Variants in ADD2 observed in about 807,000 individuals in gnomAD.
ADD2 encodes beta-adducin.
In ADD2, 23 loss-of-function variants were observed where a neutral mutation model predicts 83.0. The observed-to-expected ratio is 0.28, with a 90% CI of 0.20 to 0.39. The LOEUF is 0.39. Ranked by LOEUF, ADD2 falls within the 10% of genes least tolerant of loss-of-function variation. The probability of loss-of-function intolerance (pLI) is 1.00; values close to 1 mark genes in which losing one functional copy is unlikely to be tolerated. For synonymous variants in ADD2, 375 were observed against 375.4 expected (o/e 1.00, Z 0.01); for missense variants, 758 against 944.9 (o/e 0.80, Z 2.59).
intron 1 of ADD2, among the ~76,000 whole-genome samples, chr2:70,752,287 AGTTAT>A (rs1459020275): frequency 1.3e-5 from 2 of 152,204 alleles, no homozygotes; most frequent in African/African-American, 4.8e-5. Context: ...AGGGTTACCT[AGTTAT>A]AAGTTATAAA....
chr2:70,691,751 ACAAC>A (rs1278258672), intron 7 of ADD2: 3 of 152,220 alleles, frequency 2.0e-5, no homozygotes, highest in African/African-American at 7.2e-5. Flanking sequence ...CTGAATGCTC[ACAAC>A]CAGTGTGTTT....
At chr2:70,690,959 T>C in intron 7 of ADD2, 30 bp from the exon 8 acceptor site, 1 of 1,594,932 alleles carries the variant, frequency 6.3e-7, no homozygotes, top group Non-Finnish European at 8.5e-7. Flanking sequence ...GGTTAGCACC[T>C]GCAGCCCTCC....
At chr2:70,695,413 G>GC (rs1442428560) in intron 6 of ADD2, among the ~76,000 whole-genome samples, 1 of 151,602 alleles carries the variant, frequency 6.6e-6, no homozygotes, top group Admixed American at 6.6e-5. Context: ...AACCAGAAAG[G>GC]CCCCCCATTC....
At chr2:70,664,720 A>AGT (rs1179233010) in intron 15 of ADD2, among the ~76,000 whole-genome samples, 29 of 150,414 alleles carry the variant, frequency 1.9e-4, no homozygotes, top group Admixed American at 1.9e-3. Context: ...AGTGTGTACA[A>AGT]GTGTGTGTGA....
intron 13 of ADD2, chr2:70,675,085 C>G (rs1670065870): frequency 3.3e-6 from 4 of 1,213,596 alleles, no homozygotes; most frequent in African/African-American, 1.5e-5. Flanking sequence ...AAAGGATGCT[C>G]CCGAGCAGAA....
At chr2:70,726,092 C>T (rs2104452286) in intron 1 of ADD2, among the ~76,000 whole-genome samples, 1 of 138,808 alleles carries the variant, frequency 7.2e-6, no homozygotes, top group Admixed American at 8.3e-5. Flanking sequence ...GAGGCTGAGG[C>T]AGGAGAATGG....
chr2:70,718,590 A>C (rs1553376818), intron 1 of ADD2, among the ~76,000 whole-genome samples: 3 of 152,202 alleles, frequency 2.0e-5, no homozygotes, highest in Admixed American at 6.5e-5. Context: ...CAAGGTCCTG[A>C]GTTAGATCCT....
intron 1 of ADD2, chr2:70,767,491 G>T: frequency 2.5e-6 from 1 of 398,642 alleles, no homozygotes; most frequent in Non-Finnish European, 3.5e-6. Flanking sequence ...GGCGGCGGCC[G>T]AGCGGGAAGG....
At chr2:70,692,609 C>T in intron 6 of ADD2, 57 bp from the exon 7 acceptor site, 1 of 1,506,832 alleles carries the variant, frequency 6.6e-7, no homozygotes, top group Non-Finnish European at 8.9e-7. Flanking sequence ...CCCCGCACTC[C>T]TCTCCCAGCT....
intron 1 of ADD2, among the ~76,000 whole-genome samples, chr2:70,752,280 G>T (rs1405830765): frequency 1.3e-5 from 2 of 152,070 alleles, no homozygotes; most frequent in African/African-American, 4.8e-5. Context: ...TCTATGTAGG[G>T]TTACCTAGTT....
In ADD2 at chr2:70,768,163, T is replaced by C; in HGVS notation, c.-431A>G. Reference sequence around the variant, plus strand: ...GTCCCTCACAGCCCTGCCGTCAGAATTAAAGCCATTTCCCGCACGAGGCTG... The same window carrying C: ...GTCCCTCACAGCCCTGCCGTCAGAACTAAAGCCATTTCCCGCACGAGGCTG... On this transcript the variant is annotated 5_prime_UTR_variant, in exon 1 of 16. Coordinates refer to ENST00000264436, the MANE Select transcript of ADD2 (RefSeq NM_001617.4). The C allele has an allele frequency of 1.7e-6, 1 of 599,982 alleles. No individual in the cohort carries two copies. Among genetic ancestry groups the C allele is most frequent in the South Asian group, 2.0e-5 (1 of 49,396 alleles). 37.2% of individuals were successfully genotyped at this position (599,982 alleles called of 1,614,324 possible).
chr2:70,735,071 C>T (rs191432105), intron 1 of ADD2, among the ~76,000 whole-genome samples: 4 of 152,258 alleles, frequency 2.6e-5, no homozygotes, highest in Non-Finnish European at 5.9e-5. Flanking sequence ...AAATTTCAAA[C>T]AGTATTAGTT....
At chr2:70,677,709 A>T (rs375540457) in intron 12 of ADD2, 49 bp downstream of exon 12, 1 of 1,598,340 alleles carries the variant, frequency 6.3e-7, no homozygotes, top group Admixed American at 1.7e-5. Context: ...GGGACCTGAG[A>T]CCCCCCAGTG....
chr2:70,682,409 T>C (rs1553369725), intron 10 of ADD2, among the ~76,000 whole-genome samples: 3 of 152,192 alleles, frequency 2.0e-5, no homozygotes, highest in African/African-American at 7.2e-5. Flanking sequence ...TCACTGTGGA[T>C]TGTACCTTTC....
chr2:70,725,424 G>A (rs138759444), intron 1 of ADD2, among the ~76,000 whole-genome samples: 3,929 of 152,102 alleles, frequency 0.026, 93 homozygotes, highest in Admixed American at 0.064. Context: ...ATATATATAT[G>A]TGTGTATGTC....
rs77612157 is a variant in ADD2 at position 70,763,075 on chromosome 2, A to C, written c.-154+4811T>G. Among the ~76,000 whole-genome samples, 1,301 of 152,130 alleles carry C rather than the reference A, an allele frequency of 8.6e-3. 37 individuals are homozygous for C. The highest frequency in any genetic ancestry group is 0.03 in the African/African-American group (1,248 of 41,374). On this transcript the variant is annotated intron_variant, in intron 1 of 15. Transcript: ENST00000264436. ...TCACTTAGGTACAAAGAAAAGTTTAAAATAAATTTGAATAACATAATCAAT... is the reference window on the plus strand; with the variant it reads ...TCACTTAGGTACAAAGAAAAGTTTACAATAAATTTGAATAACATAATCAAT...
chr2:70,664,846 C>T (rs1270568700), intron 15 of ADD2, among the ~76,000 whole-genome samples: 1 of 151,548 alleles, frequency 6.6e-6, no homozygotes, highest in Non-Finnish European at 1.5e-5. Context: ...ATGAGTGTGT[C>T]TGTGTGTGTG....
chr2:70,677,072 A>C (rs1026753715), intron 12 of ADD2, among the ~76,000 whole-genome samples, 187 bp from the exon 13 acceptor site: 4 of 152,126 alleles, frequency 2.6e-5, no homozygotes, highest in Non-Finnish European at 4.4e-5. Context: ...GTGAATTAGC[A>C]ATTTATGTAA....
At chr2:70,762,320 A>C (rs539215403) in intron 1 of ADD2, among the ~76,000 whole-genome samples, 1 of 151,958 alleles carries the variant, frequency 6.6e-6, no homozygotes, top group South Asian at 2.1e-4. Flanking sequence ...CTTATCACAC[A>C]GTAAAATTTA....
Sources: gnomAD v4.1 joint callset for allele counts (sites outside exome capture counted in the v4.1 genomes callset) on GRCh38, gnomAD v4.1.1 for gene constraint, MANE v1.5 for transcripts, NCBI Gene and HGNC (gene_info 2026-07-23, HGNC 2026-07-21) for gene names.